LDLRAD4: variants seen among roughly 807,000 people sequenced by gnomAD.
LDLRAD4 encodes low density lipoprotein receptor class A domain containing 4, also known as low-density lipoprotein receptor class A domain-containing protein 4.
A neutral mutation model predicts 17.0 loss-of-function variants in LDLRAD4; 5 were observed. The observed-to-expected ratio is 0.29, with a 90% CI of 0.15 to 0.62. The LOEUF (loss-of-function observed/expected upper bound fraction) is 0.62, where lower values mean the gene tolerates loss of function less well. LDLRAD4 is among the 20% of genes least tolerant of loss of function. The pLI is 0.84. For synonymous variants in LDLRAD4, 168 were observed against 171.8 expected (o/e 0.98, Z 0.17); for missense variants, 340 against 424.7 (o/e 0.80, Z 1.75).
At chr18:13,619,675 A>G (rs1385348092) in intron 3 of LDLRAD4, among the ~76,000 whole-genome samples, 2 of 151,770 alleles carry the variant, frequency 1.3e-5, no homozygotes, top group African/African-American at 4.8e-5. Flanking sequence ...GAGCAACAGC[A>G]CCCCCTTGGC....
At chr18:13,569,320 G>A (rs1962577290) in intron 3 of LDLRAD4, among the ~76,000 whole-genome samples, 1 of 152,048 alleles carries the variant, frequency 6.6e-6, no homozygotes, top group Admixed American at 6.6e-5. Context: ...CTAGCCCTGC[G>A]CTATCTGGGG....
chr18:13,282,951 T>C (rs1363040110), intron 1 of LDLRAD4, among the ~76,000 whole-genome samples: 1 of 152,222 alleles, frequency 6.6e-6, no homozygotes, highest in Non-Finnish European at 1.5e-5. Context: ...ACCCGCAGGC[T>C]CAACACCATG....
intron 1 of LDLRAD4, among the ~76,000 whole-genome samples, chr18:13,269,596 C>T (rs922484375): frequency 6.6e-6 from 1 of 151,442 alleles, no homozygotes; most frequent in Non-Finnish European, 1.5e-5. Context: ...AGCCCATTTG[C>T]GTGGTGGCTT....
intron 1 of LDLRAD4, among the ~76,000 whole-genome samples, chr18:13,248,250 C>T (rs897104350): frequency 8.5e-5 from 13 of 152,352 alleles, no homozygotes; most frequent in South Asian, 4.1e-4. Context: ...CGCGAGCCAC[C>T]GCGCCCGGCC....
chr18:13,323,680 CTG>C (rs1278641168), intron 1 of LDLRAD4, among the ~76,000 whole-genome samples: 1 of 152,122 alleles, frequency 6.6e-6, no homozygotes, highest in Admixed American at 6.5e-5. Context: ...GCATATGGGA[CTG>C]TGACTATTGT....
chr18:13,368,200 G>A (rs558589128), intron 1 of LDLRAD4, among the ~76,000 whole-genome samples: 4 of 152,116 alleles, frequency 2.6e-5, no homozygotes, highest in East Asian at 1.9e-4. Context: ...TGGCATTGGC[G>A]CACGGTTGGC....
intron 3 of LDLRAD4, among the ~76,000 whole-genome samples, chr18:13,592,393 A>G (rs909370760): frequency 3.9e-5 from 6 of 152,296 alleles, no homozygotes; most frequent in African/African-American, 1.2e-4. Flanking sequence ...TGCTAAGTCG[A>G]CTGTCCTAAT....
chr18:13,293,738 C>T (rs1394613263), intron 1 of LDLRAD4, among the ~76,000 whole-genome samples: 4 of 152,234 alleles, frequency 2.6e-5, no homozygotes, highest in African/African-American at 9.6e-5. Flanking sequence ...TTCCGCATTG[C>T]ATGTTAATTT....
At chr18:13,637,031 C>G (rs577832666) in intron 4 of LDLRAD4, among the ~76,000 whole-genome samples, 56 of 152,296 alleles carry the variant, frequency 3.7e-4, no homozygotes, top group African/African-American at 1.2e-3. Flanking sequence ...CTCCTGACCT[C>G]AGGTGATCCA....
intron 4 of LDLRAD4, among the ~76,000 whole-genome samples, chr18:13,632,511 G>T (rs1313213906): frequency 1.3e-5 from 2 of 152,206 alleles, no homozygotes; most frequent in Non-Finnish European, 2.9e-5. Flanking sequence ...CTTGCGTCTG[G>T]ATGAGGGGAA....
exon 6 of LDLRAD4, chr18:13,648,908 C>A (rs146087654): frequency 1.3e-5 from 2 of 152,242 alleles, no homozygotes; most frequent in African/African-American, 4.8e-5. Flanking sequence ...TAAATACTGA[C>A]GCAATCCTTA....
chr18:13,524,288 A>T (rs2093996798), intron 3 of LDLRAD4, among the ~76,000 whole-genome samples: 1 of 152,202 alleles, frequency 6.6e-6, no homozygotes, highest in Non-Finnish European at 1.5e-5. Context: ...CCTCACTTTG[A>T]TGTGTTATAT....
intron 1 of LDLRAD4, among the ~76,000 whole-genome samples, chr18:13,292,115 C>G (rs577225619): frequency 1.3e-5 from 2 of 152,176 alleles, no homozygotes; most frequent in African/African-American, 2.4e-5. Flanking sequence ...GTTCCCTGGC[C>G]TCTAGGAGCT....
chr18:13,621,178 C>T lies in LDLRAD4; in HGVS notation c.243C>T (p.Val81=). 3.1e-6 allele frequency: 5 copies of T among 1,614,178 alleles called. No individual in the cohort carries two copies. Among genetic ancestry groups the T allele is most frequent in the Non-Finnish European group, 4.2e-6 (5 of 1,180,022 alleles). ...TGGTGGTCACGGTGATGGTGGTGGT[C>T]ATCGTCTGCCTGCTGAACCACTACA... Residue 81 remains valine, a synonymous_variant, in exon 4 of 6, where the codon GTC becomes GTT. Transcript: ENST00000359446. The surrounding 1 kb of genome is among the most constrained non-coding windows in gnomAD (Gnocchi z 5.5).
At chr18:13,450,333 C>A (rs1225599263) in intron 3 of LDLRAD4, among the ~76,000 whole-genome samples, 1 of 123,562 alleles carries the variant, frequency 8.1e-6, no homozygotes, top group Admixed American at 7.6e-5. Flanking sequence ...CCCACCCCCC[C>A]CCCCAAAAAA....
At chr18:13,262,605 C>T (rs113990508) in intron 1 of LDLRAD4, among the ~76,000 whole-genome samples, 1 of 85,182 alleles carries the variant, frequency 1.2e-5, no homozygotes, top group East Asian at 4.1e-4. Context: ...GAGTCCCGTG[C>T]GGCCCTGTGC....
chr18:13,391,901 C>A (rs2086302152), intron 2 of LDLRAD4, among the ~76,000 whole-genome samples: 1 of 152,108 alleles, frequency 6.6e-6, no homozygotes, highest in Non-Finnish European at 1.5e-5. Context: ...TTTTCATGTA[C>A]ATGTACTTGA....
chr18:13,268,577 T>G (rs1481454463), intron 1 of LDLRAD4, among the ~76,000 whole-genome samples: 1 of 152,240 alleles, frequency 6.6e-6, no homozygotes, highest in Non-Finnish European at 1.5e-5. Context: ...CGTCCCTTTC[T>G]CTTACCTAAG....
Position 13,428,364 on chromosome 18 carries a change from G to A in LDLRAD4, c.41-9880G>A, listed in dbSNP as rs565613473. 2.0e-5 allele frequency among the ~76,000 whole-genome samples: 3 copies of A among 152,316 alleles called. No homozygotes were observed. In the South Asian group the frequency reaches 6.2e-4, roughly 32 times the overall value. On this transcript the variant is annotated intron_variant, in intron 2 of 5. Transcript: ENST00000359446. The stretch of plus-strand genomic sequence containing the variant: ...GCAGAGGAGCAGCAGGTATGGATGA[G>A]CCCTGTGTGCAGGGAGCAGCGAGGA...
Sources: gnomAD v4.1 joint callset for allele counts (sites outside exome capture counted in the v4.1 genomes callset) on GRCh38, gnomAD v4.1.1 for gene constraint, Gnocchi (gnomAD v3.1) non-coding constraint, MANE v1.5 for transcripts, NCBI Gene and HGNC (gene_info 2026-07-23, HGNC 2026-07-21) for gene names.